The following PLVAP variants were observed in gnomAD, a reference collection of about 807,000 sequenced individuals.
PLVAP encodes the protein plasmalemma vesicle associated protein, also known as plasmalemma vesicle-associated protein.
Under a neutral mutation model 43.1 loss-of-function variants are expected in PLVAP, and 34 were observed. The observed-to-expected ratio is 0.79, with a 90% confidence interval of 0.60 to 1.05. PLVAP has a LOEUF of 1.05. PLVAP is among the 50% of genes least tolerant of loss of function. PLVAP has a pLI of 0.00. For synonymous variants in PLVAP, 241 were observed against 237.3 expected (o/e 1.02, Z -0.14); for missense variants, 574 against 593.4 (o/e 0.97, Z 0.34).
intron 5 of PLVAP, among the ~76,000 whole-genome samples, 194 bp from the exon 6 acceptor site, chr19:17,352,562 G>A (rs1407950761): frequency 6.6e-6 from 1 of 152,028 alleles, no homozygotes; most frequent in Non-Finnish European, 1.5e-5. Flanking sequence ...TCCATGAGAC[G>A]CTCATGTGTT....
At chr19:17,353,618 G>C (rs2074494558) in intron 5 of PLVAP, among the ~76,000 whole-genome samples, 1 of 152,002 alleles carries the variant, frequency 6.6e-6, no homozygotes, top group Non-Finnish European at 1.5e-5. Flanking sequence ...CCCTTCCTGG[G>C]ATCCCCCCAT....
intron 5 of PLVAP, among the ~76,000 whole-genome samples, chr19:17,352,850 C>A (rs1448322814): frequency 6.6e-6 from 1 of 152,188 alleles, no homozygotes; most frequent in African/African-American, 2.4e-5. Context: ...CCCCAGTGCC[C>A]TCAGGAGAAA....
At chr19:17,373,536 C>G (rs1451015481) in intron 1 of PLVAP, among the ~76,000 whole-genome samples, 3 of 152,020 alleles carry the variant, frequency 2.0e-5, no homozygotes, top group Non-Finnish European at 1.5e-5. Context: ...GCCAGGTCAC[C>G]TCCTTGGAAG....
At chr19:17,356,788 C>T (rs1360312853) in intron 5 of PLVAP, among the ~76,000 whole-genome samples, 3 of 151,848 alleles carry the variant, frequency 2.0e-5, no homozygotes, top group South Asian at 2.1e-4. Flanking sequence ...GGTGAAACCC[C>T]GTCTCTACTA....
At position 17,360,615 on chromosome 19, in the gene PLVAP, G is replaced by A. The variant is rs774106522; in HGVS notation, c.1241-6C>T. 2.5e-6 allele frequency: 4 copies of A among 1,610,664 alleles called. No homozygotes were observed. Among genetic ancestry groups the A allele is most frequent in the Non-Finnish European group, 3.4e-6 (4 of 1,178,210 alleles). The stretch of plus-strand genomic sequence containing the variant: ...CTCCTCCAGGCTAGCTGGGTCTGTG[G>A]AGGGAGAGAGGTGAGGCTTGACCTA... On this transcript the variant is annotated splice_polypyrimidine_tract_variant and splice_region_variant and intron_variant, in intron 4 of 5. Coordinates refer to ENST00000252590, the MANE Select transcript of PLVAP (RefSeq NM_031310.3).
Position 17,377,308 on chromosome 19 carries a change from G to T in PLVAP, c.-20C>A, listed in dbSNP as rs750527653. On this transcript the variant is annotated 5_prime_UTR_variant, in exon 1 of 6. Transcript: ENST00000252590. ...ACCCATTTGCTCGATCCCGCCGTCC[G>T]GTGCACCGTCCCTGCTCACCACCAG... is the stretch of plus-strand genomic sequence containing the variant. 6.3e-7 allele frequency: 1 copy of T among 1,586,576 alleles called. No homozygotes were observed. Among genetic ancestry groups the T allele is most frequent in the Non-Finnish European group, 8.6e-7 (1 of 1,161,158 alleles).
At chr19:17,358,267 GAAA>G (rs71336606) in intron 5 of PLVAP, among the ~76,000 whole-genome samples, 1 of 128,570 alleles carries the variant, frequency 7.8e-6, no homozygotes, top group Non-Finnish European at 1.6e-5. Flanking sequence ...ATGCAAGAAG[GAAA>G]AAAAAAAAAA....
At chr19:17,356,138 G>A (rs971579294) in intron 5 of PLVAP, among the ~76,000 whole-genome samples, 2 of 152,034 alleles carry the variant, frequency 1.3e-5, no homozygotes, top group African/African-American at 4.8e-5. Context: ...GTGAAACCCT[G>A]TCTCTACTAA....
chr19:17,370,830 G>A (rs2074569271), intron 1 of PLVAP, among the ~76,000 whole-genome samples: 1 of 152,120 alleles, frequency 6.6e-6, no homozygotes, highest in Non-Finnish European at 1.5e-5. Context: ...GCCGAGGCGG[G>A]CGGATCACGA....
At chr19:17,357,953 G>A (rs1158317127) in intron 5 of PLVAP, among the ~76,000 whole-genome samples, 1 of 152,208 alleles carries the variant, frequency 6.6e-6, no homozygotes, top group Non-Finnish European at 1.5e-5. Flanking sequence ...CCTGGGCTGG[G>A]AGCCCGGGCC....
chr19:17,360,556 G>A lies in PLVAP; in HGVS notation c.1294C>T (p.Pro432Ser), dbSNP rs535533604. 115 of 1,614,022 alleles carry A rather than the reference G, an allele frequency of 7.1e-5. 1 individual carries two copies. The South Asian group carries it at 1.1e-3, about 16-fold the overall frequency. The change falls in exon 5 of 6, where the codon CCT becomes TCT. Residue 432 changes from proline (P) to serine (S), a missense_variant. By Grantham distance (74) the Pro-to-Ser change is moderately conservative. Transcript: ENST00000252590. The part of the protein sequence containing the change: ...KRKILESQRP[P>S]AGIPVAPSSG ...GATGGGGCTACAGGGATGCCTGCAGGGGGCCTCTGGGACTCCAGGATCTTC... is the reference window on the plus strand; with the variant it reads ...GATGGGGCTACAGGGATGCCTGCAGAGGGCCTCTGGGACTCCAGGATCTTC...
intron 5 of PLVAP, among the ~76,000 whole-genome samples, chr19:17,359,781 C>A (rs1370385317): frequency 6.7e-6 from 1 of 149,982 alleles, no homozygotes; most frequent in Non-Finnish European, 1.5e-5. Context: ...CAACCTCCGC[C>A]TCCCAGGTTC....
At chr19:17,370,839 G>A (rs928112002) in intron 1 of PLVAP, among the ~76,000 whole-genome samples, 1 of 151,976 alleles carries the variant, frequency 6.6e-6, no homozygotes, top group Non-Finnish European at 1.5e-5. Flanking sequence ...GGCGGATCAC[G>A]AGGTCAGGAG....
chr19:17,372,118 GTTTC>G (rs2074574587), intron 1 of PLVAP, among the ~76,000 whole-genome samples: 1 of 148,786 alleles, frequency 6.7e-6, no homozygotes, highest in Admixed American at 6.7e-5. Context: ...TGATTTTTAA[GTTTC>G]TTTTTTAATT....
At chr19:17,373,442 C>T (rs2074582589) in intron 1 of PLVAP, among the ~76,000 whole-genome samples, 1 of 152,080 alleles carries the variant, frequency 6.6e-6, no homozygotes, top group Non-Finnish European at 1.5e-5. Context: ...GGGGGCTGAG[C>T]TTACCTTCCT....
intron 5 of PLVAP, among the ~76,000 whole-genome samples, chr19:17,353,754 C>T (rs1157156446): frequency 1.3e-5 from 2 of 152,204 alleles, no homozygotes; most frequent in African/African-American, 4.8e-5. Context: ...TCGCCCATCA[C>T]CAAAGGACCC....
At chr19:17,366,067 C>T (rs1303875064) in intron 2 of PLVAP, 32 bp downstream of exon 2, 3 of 1,612,200 alleles carry the variant, frequency 1.9e-6, no homozygotes, top group South Asian at 1.1e-5. Context: ...AGGGAGTCCA[C>T]CACCCCGGCT....
At chr19:17,369,717 T>A (rs1187885839) in intron 1 of PLVAP, among the ~76,000 whole-genome samples, 1 of 150,296 alleles carries the variant, frequency 6.7e-6, no homozygotes, top group African/African-American at 2.4e-5. Flanking sequence ...ACATTCAAAA[T>A]CGGCTGGGCG....
At chr19:17,366,023 CCA>C in intron 2 of PLVAP, 25 bp from the exon 3 acceptor site, 1 of 1,611,502 alleles carries the variant, frequency 6.2e-7, no homozygotes, top group Non-Finnish European at 8.5e-7. Context: ...ACCAGGAGAC[CCA>C]GGAAGATTGG....
Sources: gnomAD v4.1 joint callset for allele counts (sites outside exome capture counted in the v4.1 genomes callset) on GRCh38, gnomAD v4.1.1 for gene constraint, MANE v1.5 for transcripts, NCBI Gene and HGNC (gene_info 2026-07-23, HGNC 2026-07-21) for gene names.